Variants in SLX4IP observed in about 807,000 individuals in gnomAD.
The protein encoded by SLX4IP is SLX4 interacting protein.
In SLX4IP, 34 loss-of-function variants were observed where a neutral mutation model predicts 32.9. That is an observed-to-expected ratio of 1.03 (90% CI 0.79 to 1.38). The LOEUF (loss-of-function observed/expected upper bound fraction) is 1.38. SLX4IP is among the 40% of genes most tolerant of loss of function. SLX4IP has a pLI of 0.00. For missense variants in SLX4IP, 444 were observed against 479.0 expected (o/e 0.93, Z 0.68); for synonymous variants, 172 against 171.7 (o/e 1.00, Z -0.01).
chr20:10,554,874 C>T (rs1190046137), intron 2 of SLX4IP, among the ~76,000 whole-genome samples: 4 of 151,992 alleles, frequency 2.6e-5, no homozygotes, highest in Non-Finnish European at 4.4e-5. Flanking sequence ...TACATAAATA[C>T]ATTTCTCCCA....
chr20:10,492,171 G>A (rs531683158), intron 2 of SLX4IP, among the ~76,000 whole-genome samples: 6 of 152,300 alleles, frequency 3.9e-5, no homozygotes, highest in African/African-American at 1.4e-4. Flanking sequence ...CCAACAGTTT[G>A]TGATGAATGT....
intron 2 of SLX4IP, among the ~76,000 whole-genome samples, chr20:10,536,633 G>C (rs762587608): frequency 3.9e-5 from 6 of 152,180 alleles, no homozygotes; most frequent in Non-Finnish European, 8.8e-5. Flanking sequence ...ATGCCAGCCT[G>C]GCCACCGTTG....
chr20:10,521,050 T>G (rs988167503), intron 2 of SLX4IP, among the ~76,000 whole-genome samples: 1 of 152,248 alleles, frequency 6.6e-6, no homozygotes, highest in Non-Finnish European at 1.5e-5. Flanking sequence ...TTTTCATTAT[T>G]ATGATGATAT....
chr20:10,537,641 A>AT (rs2066059880), intron 2 of SLX4IP, among the ~76,000 whole-genome samples: 1 of 152,128 alleles, frequency 6.6e-6, no homozygotes, highest in South Asian at 2.1e-4. Context: ...GATTCATGTA[A>AT]TTTTTCTAGG....
At chr20:10,461,492 T>C (rs545209515) in intron 2 of SLX4IP, among the ~76,000 whole-genome samples, 64 of 152,360 alleles carry the variant, frequency 4.2e-4, no homozygotes, top group South Asian at 1.4e-3. Context: ...GTTGTATTTC[T>C]GCCTCTGACA....
chr20:10,474,017 T>A (rs2122367589), intron 2 of SLX4IP, among the ~76,000 whole-genome samples: 1 of 152,236 alleles, frequency 6.6e-6, no homozygotes, highest in East Asian at 1.9e-4. Context: ...GAGATGGGAT[T>A]TCACCATGTT....
intron 6 of SLX4IP, among the ~76,000 whole-genome samples, chr20:10,619,465 T>C (rs2067082137): frequency 6.6e-6 from 1 of 152,208 alleles, no homozygotes; most frequent in African/African-American, 2.4e-5. Context: ...AAGGCAGTGA[T>C]TGAATTTAAT....
chr20:10,445,758 G>A (rs2065197433), intron 1 of SLX4IP, among the ~76,000 whole-genome samples: 1 of 151,512 alleles, frequency 6.6e-6, no homozygotes, highest in South Asian at 2.1e-4. Context: ...CTGAGTAGCT[G>A]GGACTACAGG....
chr20:10,539,223 A>G (rs898203091), intron 2 of SLX4IP, among the ~76,000 whole-genome samples: 2 of 152,222 alleles, frequency 1.3e-5, no homozygotes, highest in African/African-American at 4.8e-5. Flanking sequence ...AAAAAAAGGC[A>G]TTCAAGGAGG....
At chr20:10,446,424 A>G (rs1156931858) in intron 1 of SLX4IP, among the ~76,000 whole-genome samples, 3 of 151,996 alleles carry the variant, frequency 2.0e-5, no homozygotes, top group Non-Finnish European at 2.9e-5. Flanking sequence ...AAAAAAAAAA[A>G]AAAAAAAAGT....
At chr20:10,539,684 C>T (rs1375409955) in intron 2 of SLX4IP, among the ~76,000 whole-genome samples, 1 of 152,128 alleles carries the variant, frequency 6.6e-6, no homozygotes, top group Non-Finnish European at 1.5e-5. Flanking sequence ...TTAAACTGTT[C>T]AGAGTATATG....
chr20:10,481,828 G>A (rs144505451), intron 2 of SLX4IP, among the ~76,000 whole-genome samples: 1 of 152,248 alleles, frequency 6.6e-6, no homozygotes, highest in Non-Finnish European at 1.5e-5. Flanking sequence ...TGTTCTTAAC[G>A]CTCAGTCGCG....
intron 4 of SLX4IP, among the ~76,000 whole-genome samples, chr20:10,568,585 T>C (rs1044368826): frequency 7.9e-5 from 12 of 152,212 alleles, no homozygotes; most frequent in South Asian, 2.1e-4. Flanking sequence ...TAAGACCATA[T>C]GAAAGATGCT....
At chr20:10,524,056 G>A (rs1161885910) in intron 2 of SLX4IP, among the ~76,000 whole-genome samples, 2 of 152,246 alleles carry the variant, frequency 1.3e-5, no homozygotes, top group Non-Finnish European at 2.9e-5. Context: ...GGGACCAGCG[G>A]GCTCATGACC....
At chr20:10,445,440 C>G (rs1299308753) in intron 1 of SLX4IP, among the ~76,000 whole-genome samples, 3 of 149,758 alleles carry the variant, frequency 2.0e-5, no homozygotes, top group African/African-American at 4.9e-5. Context: ...CTCAGCCTCC[C>G]TAGTAGCTGG....
At chr20:10,516,979 G>A (rs2065856146) in intron 2 of SLX4IP, among the ~76,000 whole-genome samples, 1 of 152,156 alleles carries the variant, frequency 6.6e-6, no homozygotes, top group South Asian at 2.1e-4. Flanking sequence ...TTGAGATCAA[G>A]ATTATCTTTT....
At chr20:10,548,760 C>A (rs687305) in intron 2 of SLX4IP, among the ~76,000 whole-genome samples, 1 of 152,328 alleles carries the variant, frequency 6.6e-6, no homozygotes, top group East Asian at 1.9e-4. Flanking sequence ...GTAATAGTTT[C>A]TGCTTTGTGA....
intron 2 of SLX4IP, among the ~76,000 whole-genome samples, chr20:10,531,731 G>A (rs766833390): frequency 5.3e-5 from 8 of 152,160 alleles, no homozygotes; most frequent in Non-Finnish European, 1.2e-4. Context: ...GCTTAAATAG[G>A]ATGGTCAGAG....
At chr20:10,478,838 A>C (rs1403571000) in intron 2 of SLX4IP, among the ~76,000 whole-genome samples, 3 of 152,210 alleles carry the variant, frequency 2.0e-5, no homozygotes, top group Non-Finnish European at 4.4e-5. Flanking sequence ...AAGCTCTTCT[A>C]GAGGTAGCTG....
Sources: allele counts gnomAD v4.1 joint callset (sites outside exome capture counted in the v4.1 genomes callset), GRCh38; gene constraint gnomAD v4.1.1; transcripts MANE v1.5; gene names NCBI Gene and HGNC (gene_info 2026-07-23, HGNC 2026-07-21).